Variants in GTF2F2 observed in about 807,000 individuals in gnomAD.
GTF2F2 encodes the protein general transcription factor IIF subunit 2.
Under a neutral mutation model 42.2 loss-of-function variants are expected in GTF2F2, and 23 were observed. The ratio of observed to expected loss-of-function variants is 0.55; its 90% CI spans 0.39 to 0.77. The LOEUF is 0.77. GTF2F2 is among the 30% of genes least tolerant of loss of function. The pLI, the probability that GTF2F2 is intolerant of heterozygous loss-of-function variation, is 0.00. For missense variants in GTF2F2, 261 were observed against 287.2 expected (o/e 0.91, Z 0.66); for synonymous variants, 105 against 100.8 (o/e 1.04, Z -0.25).
At chr13:45,154,903 C>T (rs966080935) in intron 4 of GTF2F2, among the ~76,000 whole-genome samples, 6 of 152,090 alleles carry the variant, frequency 3.9e-5, no homozygotes, top group African/African-American at 1.2e-4. Context: ...TTCTCAATTG[C>T]CTGCATGACC....
intron 2 of GTF2F2, among the ~76,000 whole-genome samples, chr13:45,141,919 G>A (rs983600403): frequency 1.3e-5 from 2 of 151,998 alleles, no homozygotes; most frequent in African/African-American, 2.4e-5. Context: ...GCTTAGTTTT[G>A]CTAACTTCAG....
At chr13:45,162,328 A>C (rs922195357) in intron 4 of GTF2F2, among the ~76,000 whole-genome samples, 2 of 152,196 alleles carry the variant, frequency 1.3e-5, no homozygotes, top group Non-Finnish European at 2.9e-5. Flanking sequence ...TAAAGGCCCT[A>C]TGGAAGGAGT....
At chr13:45,278,159 G>T (rs925924212) in intron 7 of GTF2F2, among the ~76,000 whole-genome samples, 3 of 152,170 alleles carry the variant, frequency 2.0e-5, no homozygotes, top group Non-Finnish European at 4.4e-5. Context: ...ACGGAAGGAA[G>T]GAGCAAAAGA....
At chr13:45,209,435 A>G (rs907431362) in intron 5 of GTF2F2, among the ~76,000 whole-genome samples, 4 of 152,340 alleles carry the variant, frequency 2.6e-5, no homozygotes, top group Non-Finnish European at 5.9e-5. Context: ...CTGTATTTTA[A>G]TCTTTACTTA....
intron 5 of GTF2F2, among the ~76,000 whole-genome samples, chr13:45,239,372 T>C (rs1875164404): frequency 6.6e-6 from 1 of 152,104 alleles, no homozygotes; most frequent in African/African-American, 2.4e-5. Context: ...CTAACAGAGG[T>C]AATATAGTGA....
intron 4 of GTF2F2, among the ~76,000 whole-genome samples, chr13:45,181,004 A>G (rs13378281): frequency 0.11 from 15,925 of 151,466 alleles, 2,296 homozygotes; most frequent in African/African-American, 0.33. Context: ...CTACCAAAAA[A>G]TACAGCAATT....
intron 7 of GTF2F2, among the ~76,000 whole-genome samples, chr13:45,276,000 C>T (rs1877019077): frequency 6.6e-6 from 1 of 152,224 alleles, no homozygotes; most frequent in Admixed American, 6.5e-5. Flanking sequence ...CTCCAGTATA[C>T]TTTAAATCTT....
At chr13:45,232,131 A>T (rs1003172945) in intron 5 of GTF2F2, among the ~76,000 whole-genome samples, 1 of 152,212 alleles carries the variant, frequency 6.6e-6, no homozygotes, top group East Asian at 1.9e-4. Context: ...ATACTTACAT[A>T]TATCAGAGTA....
At chr13:45,282,829 T>A (rs1877318152) in intron 7 of GTF2F2, among the ~76,000 whole-genome samples, 4 of 152,146 alleles carry the variant, frequency 2.6e-5, no homozygotes, top group Admixed American at 1.3e-4. Context: ...TACTCCCTTA[T>A]CTGTGTTGGC....
At chr13:45,251,589 T>TA (rs1258945622) in intron 5 of GTF2F2, among the ~76,000 whole-genome samples, 3 of 152,060 alleles carry the variant, frequency 2.0e-5, no homozygotes, top group Non-Finnish European at 4.4e-5. Flanking sequence ...TTTCACCATT[T>TA]AAAAAAACTG....
rs115013371 is a variant in GTF2F2 at position 45,224,941 on chromosome 13, C to T, written c.386+17436C>T. On this transcript the variant is annotated intron_variant, in intron 5 of 7. Transcript: ENST00000340473. ...TGTCAGGCATTGTGCTAGGCACTGT[C>T]CCTGCAGTGAATAAGAAAGACAGGA... is the stretch of plus-strand genomic sequence containing the variant. 4.1e-3 allele frequency among the ~76,000 whole-genome samples: 625 copies of T among 152,266 alleles called. 4 individuals carry two copies. The highest frequency in any genetic ancestry group is 0.015 in the African/African-American group (608 of 41,534).
intron 1 of GTF2F2, among the ~76,000 whole-genome samples, chr13:45,131,078 C>A (rs1028077546): frequency 6.6e-6 from 1 of 152,066 alleles, no homozygotes; most frequent in African/African-American, 2.4e-5. Context: ...CATGGAGAAA[C>A]CCCGTCTCTG....
chr13:45,269,601 G>T (rs1489965440), intron 7 of GTF2F2, among the ~76,000 whole-genome samples: 4 of 152,112 alleles, frequency 2.6e-5, no homozygotes, highest in Admixed American at 6.6e-5. Context: ...ATCTATTCTA[G>T]CATGAAGATC....
chr13:45,193,738 C>T (rs754320190), intron 4 of GTF2F2: 57 of 1,518,226 alleles, frequency 3.8e-5, no homozygotes, highest in Middle Eastern at 3.6e-4. Flanking sequence ...CTGTGGTTTT[C>T]CGAAGCTTGC....
chr13:45,249,087 G>T (rs1875765791), intron 5 of GTF2F2, among the ~76,000 whole-genome samples: 1 of 152,160 alleles, frequency 6.6e-6, no homozygotes, highest in Non-Finnish European at 1.5e-5. Context: ...ATCAAGGTCA[G>T]TAATGTTTAA....
At chr13:45,153,195 T>G (rs894582344) in intron 4 of GTF2F2, among the ~76,000 whole-genome samples, 2 of 151,292 alleles carry the variant, frequency 1.3e-5, no homozygotes, top group African/African-American at 4.9e-5. Context: ...TTTTTTTGTA[T>G]TTTTAGTAGA....
In GTF2F2 at chr13:45,155,833, G is replaced by A. The variant is rs764623990; in HGVS notation, c.304+4002G>A. ...CCTTATCTCTGTGGAAATACCTCATGTGTTTGGCCTTACATTTCCCTGCCT... is the reference window on the plus strand; with the variant it reads ...CCTTATCTCTGTGGAAATACCTCATATGTTTGGCCTTACATTTCCCTGCCT... On this transcript the variant is annotated intron_variant, in intron 4 of 7. Coordinates refer to ENST00000340473, the MANE Select transcript of GTF2F2 (RefSeq NM_004128.3). Among the ~76,000 whole-genome samples the A allele has an allele frequency of 4.2e-4, 64 of 152,200 alleles. 1 individual carries two copies. The highest frequency in any genetic ancestry group is 3.4e-3 in the Middle Eastern group (1 of 294).
chr13:45,144,453 T>C (rs1870088461), intron 2 of GTF2F2, among the ~76,000 whole-genome samples: 1 of 131,958 alleles, frequency 7.6e-6, no homozygotes, highest in Non-Finnish European at 1.5e-5. Flanking sequence ...TTTCTTTTTT[T>C]GGTCTTTTTT....
intron 4 of GTF2F2, among the ~76,000 whole-genome samples, chr13:45,202,616 A>C (rs978017339): frequency 6.6e-6 from 1 of 152,240 alleles, no homozygotes; most frequent in African/African-American, 2.4e-5. Context: ...ATCAATATGC[A>C]GTTCCTATCT....
Sources: allele counts gnomAD v4.1 joint callset (sites outside exome capture counted in the v4.1 genomes callset), GRCh38; gene constraint gnomAD v4.1.1; transcripts MANE v1.5; gene names NCBI Gene and HGNC (gene_info 2026-07-23, HGNC 2026-07-21).